RAB36: variants seen among roughly 807,000 people sequenced by gnomAD.
RAB36 encodes RAB36, member RAS oncogene family.
RAB36 carries 33 observed loss-of-function variants against 39.3 expected under a neutral mutation model. That is an observed-to-expected ratio of 0.84 (90% confidence interval 0.64 to 1.12). RAB36 has a LOEUF of 1.12. Ranked by LOEUF, RAB36 falls within the 50% of genes most tolerant of loss-of-function variation. The pLI, the probability that RAB36 is intolerant of heterozygous loss-of-function variation, is 0.00. For missense variants in RAB36, 308 were observed against 355.3 expected, an observed-to-expected ratio of 0.87 and a Z score of 1.07; for synonymous variants, 133 against 140.2, an observed-to-expected ratio of 0.95 and a Z score of 0.36.
At chr22:23,159,784 C>G (rs1030002037) in intron 9 of RAB36, among the ~76,000 whole-genome samples, 12 of 152,204 alleles carry the variant, frequency 7.9e-5, no homozygotes, top group African/African-American at 2.9e-4. Context: ...GGCTCAAAGA[C>G]CCCAGCTCTC....
intron 5 of RAB36, chr22:23,153,686 T>TTA: frequency 1.7e-6 from 1 of 589,256 alleles, no homozygotes; most frequent in Non-Finnish European, 2.1e-6. Context: ...TTCCTTCCAC[T>TTA]TCTGTCTTTT....
Position 23,159,331 on chromosome 22 carries a change from G to A in RAB36, c.619+78G>A, listed in dbSNP as rs931933905. ...AGTCCTGTGGGGCCTGCCATGCAGT[G>A]TTTCCCTCTGTAGCCAGTCGTCTGT... On this transcript the variant is annotated intron_variant, in intron 9 of 10. Transcript: ENST00000263116. The A allele has an allele frequency of 6.3e-5, 84 of 1,341,916 alleles. 1 individual carries two copies. The highest frequency in any genetic ancestry group is 5.5e-4 in the Middle Eastern group (3 of 5,472). The allele number at this position is 1,341,916 out of a possible 1,614,324, so 83.1% of individuals were successfully genotyped here.
intron 1 of RAB36, 135 bp from the exon 2 acceptor site, chr22:23,146,470 C>G: frequency 7.3e-7 from 1 of 1,371,380 alleles, no homozygotes; most frequent in Non-Finnish European, 9.5e-7. Flanking sequence ...CCTTGGCCTC[C>G]CAAAGTGCTG....
intron 10 of RAB36, 79 bp downstream of exon 10, chr22:23,161,077 A>G: frequency 6.7e-7 from 1 of 1,502,408 alleles, no homozygotes; most frequent in Middle Eastern, 1.8e-4. Flanking sequence ...TCGTCACCTG[A>G]GGCCTTGCCA....
downstream of RAB36, among the ~76,000 whole-genome samples, chr22:23,169,073 G>A (rs9612256): frequency 6.6e-6 from 1 of 152,192 alleles, no homozygotes; most frequent in Non-Finnish European, 1.5e-5. Context: ...CCTGACTGCA[G>A]GGACCTCATC....
intron 5 of RAB36, 36 bp downstream of exon 5, chr22:23,153,170 T>G (rs1430603026): frequency 1.3e-6 from 2 of 1,489,546 alleles, no homozygotes. Context: ...CGTGGGCAGC[T>G]TCCTACAGGC....
chr22:23,151,657 G>A (rs1389852214), intron 3 of RAB36, among the ~76,000 whole-genome samples: 1 of 152,192 alleles, frequency 6.6e-6, no homozygotes, highest in Non-Finnish European at 1.5e-5. Flanking sequence ...TGAGGTGGGA[G>A]GATCACTCGA....
chr22:23,166,943 A>G (rs1270256826), downstream of RAB36, among the ~76,000 whole-genome samples: 1 of 152,088 alleles, frequency 6.6e-6, no homozygotes, highest in Non-Finnish European at 1.5e-5. Context: ...CCAGCCCCGT[A>G]TGCAGTGAGG....
In RAB36 at chr22:23,158,017, T is replaced by C. The variant is rs2071557661; in HGVS notation, c.420T>C (p.Thr140=). 6.2e-7 allele frequency: 1 copy of C among 1,614,198 alleles called. No homozygotes were observed. Among genetic ancestry groups the C allele is most frequent in the East Asian group, 2.2e-5 (1 of 44,878 alleles). Residue 140 remains threonine (T), a synonymous_variant, in exon 7 of 11, where the codon ACT becomes ACC. Coordinates refer to ENST00000263116, the MANE Select transcript of RAB36 (RefSeq NM_004914.5). ...TGATCATCACGGCCTTTGACCTCAC[T>C]GACGTGCAGACCCTGGAGCATACCA... ...AQVIITAFDL[T]DVQTLEHTRQ...
downstream of RAB36, among the ~76,000 whole-genome samples, chr22:23,167,106 C>T (rs975176490): frequency 6.6e-6 from 1 of 152,124 alleles, no homozygotes; most frequent in Non-Finnish European, 1.5e-5. Flanking sequence ...CCTGGTCCCT[C>T]CCCTGCCTCT....
In RAB36 at chr22:23,162,714, G is replaced by C. The variant is rs762693841; in HGVS notation, c.*1150G>C. 1 of 456,188 alleles carries C rather than the reference G, an allele frequency of 2.2e-6. No individual in the cohort carries two copies. The highest frequency in any genetic ancestry group is 1.5e-5 in the South Asian group (1 of 64,564). The allele number at this position is 456,188 out of a possible 1,614,324, so 28.3% of individuals were successfully genotyped here. On this transcript the variant is annotated 3_prime_UTR_variant, in exon 11 of 11. Coordinates refer to ENST00000263116, the MANE Select transcript of RAB36 (RefSeq NM_004914.5). ...TATGCCCACTCATCCCACCCGTCTCGTGCTGTTGCTTCCCGTAGATGGCGA... is the reference window on the plus strand; with the variant it reads ...TATGCCCACTCATCCCACCCGTCTCCTGCTGTTGCTTCCCGTAGATGGCGA...
intron 3 of RAB36, among the ~76,000 whole-genome samples, chr22:23,150,394 C>T (rs1400890879): frequency 2.6e-5 from 4 of 151,568 alleles, no homozygotes; most frequent in Non-Finnish European, 4.4e-5. Context: ...CTCTGCCTCC[C>T]GGGTTCATGC....
Position 23,160,872 on chromosome 22 carries a change from C to T in RAB36, c.620-7C>T, listed in dbSNP as rs772067739. ...GATGAGGTCCCGGCTGTCTTGTGGG[C>T]CCACAGGCGAGAACGTGAAGGCATT... On this transcript the variant is annotated splice_polypyrimidine_tract_variant and splice_region_variant and intron_variant, in intron 9 of 10. Transcript: ENST00000263116. 1.4e-5 allele frequency: 23 copies of T among 1,611,956 alleles called. No individual in the cohort carries two copies. The highest frequency in any genetic ancestry group is 1.9e-5 in the Non-Finnish European group (22 of 1,178,852).
intron 4 of RAB36, 150 bp downstream of exon 4, chr22:23,152,676 G>C: frequency 1.3e-6 from 1 of 780,676 alleles, no homozygotes; most frequent in East Asian, 2.7e-5. Context: ...CGGATAAGAG[G>C]GGGTGCAAGA....
rs573735400 is a variant in RAB36, at chr22:23,158,869, ATCTC to A, written c.447-26_447-23del. 924 of 1,601,342 alleles carry A rather than the reference ATCTC, an allele frequency of 5.8e-4. 5 individuals are homozygous for A. The African/African-American group carries it at 0.011, about 19-fold the overall frequency. On this transcript the variant is annotated intron_variant, in intron 7 of 10. Coordinates refer to ENST00000263116, the MANE Select transcript of RAB36 (RefSeq NM_004914.5). ...CTGTTTGGGGTGGGAGGATGGGTGA[ATCTC>A]TCAGCCTCTCTCCTTACACTCCAGG...
chr22:23,154,241 C>T (rs1244226252), intron 5 of RAB36, among the ~76,000 whole-genome samples: 1 of 152,182 alleles, frequency 6.6e-6, no homozygotes, highest in African/African-American at 2.4e-5. Flanking sequence ...GCTAGCCCCG[C>T]CCCCCTCCTC....
intron 6 of RAB36, among the ~76,000 whole-genome samples, chr22:23,156,882 A>G (rs1034929142): frequency 2.0e-5 from 3 of 152,080 alleles, no homozygotes; most frequent in African/African-American, 4.8e-5. Flanking sequence ...ACCTCTCCAC[A>G]TGGCAGCCTG....
intron 6 of RAB36, among the ~76,000 whole-genome samples, chr22:23,156,665 T>C (rs894007490): frequency 6.6e-6 from 1 of 152,240 alleles, no homozygotes; most frequent in African/African-American, 2.4e-5. Flanking sequence ...CACCGATATG[T>C]CTACTCGGTA....
At chr22:23,156,140 TCCAAGACCCA>T (rs147668505) in intron 6 of RAB36, 108 bp downstream of exon 6, 311 of 955,690 alleles carry the variant, frequency 3.3e-4, no homozygotes, top group Middle Eastern at 4.6e-4. Flanking sequence ...TTTTTTGTCC[TCCAAGACCCA>T]CTGAGAAAAC....
Sources: gnomAD v4.1 joint callset for allele counts (sites outside exome capture counted in the v4.1 genomes callset) on GRCh38, gnomAD v4.1.1 for gene constraint, MANE v1.5 for transcripts, NCBI Gene and HGNC (gene_info 2026-07-23, HGNC 2026-07-21) for gene names.